NBPF9: variants seen among roughly 807,000 people sequenced by gnomAD.
NBPF9 encodes the protein NBPF member 9, also known as NBPF family member NBPF9.
In NBPF9, 91 loss-of-function variants were observed where a neutral mutation model predicts 97.8. The observed-to-expected ratio is 0.93, with a 90% CI of 0.79 to 1.11. The LOEUF (loss-of-function observed/expected upper bound fraction) is 1.11, where lower values mean the gene tolerates loss of function less well. Ranked by LOEUF, NBPF9 falls within the 50% of genes least tolerant of loss-of-function variation. NBPF9 has a pLI of 0.00. For missense variants in NBPF9, 992 were observed against 939.5 expected (o/e 1.06, Z -0.73); for synonymous variants, 334 against 359.5 (o/e 0.93, Z 0.80).
intron 17 of NBPF9, among the ~76,000 whole-genome samples, chr1:149,067,269 G>C (rs2079088011): frequency 1.7e-5 from 2 of 120,960 alleles, no homozygotes; most frequent in Non-Finnish European, 3.5e-5. Context: ...TTTTCCATAT[G>C]TATAGTTTTC....
chr1:149,081,364 C>T (rs587623239), intron 7 of NBPF9, among the ~76,000 whole-genome samples: 4 of 151,826 alleles, frequency 2.6e-5, no homozygotes, highest in East Asian at 3.9e-4. Flanking sequence ...GTGCTCTGCC[C>T]GCCTCAGCCT....
chr1:149,077,902 G>T, exon 10 of NBPF9: 1 of 1,489,468 alleles, frequency 6.7e-7, no homozygotes, highest in South Asian at 1.1e-5. Flanking sequence ...GATGATTCCA[G>T]TACTTTCTCA....
In NBPF9 at chr1:149,082,394, AG is replaced by A. The variant is rs2080552522; in HGVS notation, c.-159del. 1 of 1,275,344 alleles carries A rather than the reference AG, an allele frequency of 7.8e-7. No homozygotes were observed. Among genetic ancestry groups the A allele is most frequent in the Non-Finnish European group, 1.1e-6 (1 of 927,132 alleles). The allele number at this position is 1,275,344 out of a possible 1,614,324, so 79.0% of individuals were successfully genotyped here. A position where few individuals can be genotyped will look rare whatever the true frequency, so the allele number is the denominator to read the frequency against. ...TGCCAGTAGCTCAGACTCTGATAAG[AG>A]TGAGGTAGATTGTGGCCAGCGTGCC... On this transcript the variant is annotated 5_prime_UTR_variant, in exon 6 of 30. It introduces an in-frame stop codon into an upstream open reading frame of the 5' UTR. Coordinates refer to ENST00000584027, the Ensembl canonical transcript of NBPF9.
At chr1:149,072,727 G>C (rs2079515867) in exon 14 of NBPF9, 1 of 1,611,700 alleles carries the variant, frequency 6.2e-7, no homozygotes, top group Admixed American at 1.7e-5. Context: ...CCTGGGCTGA[G>C]CTTTTGGACA....
exon 20 of NBPF9, chr1:149,063,743 C>T (rs1381815522): frequency 2.0e-5 from 12 of 604,420 alleles, no homozygotes; most frequent in African/African-American, 6.5e-5. Context: ...AGTTGAATAA[C>T]ATCTATCCAG....
chr1:149,079,216 T>C (rs782474452), exon 9 of NBPF9: 28 of 838,484 alleles, frequency 3.3e-5, no homozygotes, highest in Non-Finnish European at 5.4e-5. Context: ...CAGGACTTTA[T>C]ATTGCCTAAG....
chr1:149,055,889 C>A (rs782624686), exon 30 of NBPF9: 8 of 1,611,316 alleles, frequency 5.0e-6, no homozygotes, highest in South Asian at 1.1e-5. Context: ...TCCATCAGCA[C>A]GCCGTTGAGC....
intron 13 of NBPF9, among the ~76,000 whole-genome samples, chr1:149,073,344 G>A (rs587686057): frequency 2.8e-5 from 4 of 140,380 alleles, no homozygotes; most frequent in African/African-American, 5.4e-5. Context: ...TTGAAAAGAC[G>A]AAAGAAGAAA....
Position 149,078,990 on chromosome 1 carries a change from G to A in NBPF9, c.493+17C>T. The A allele has an allele frequency of 5.1e-6, 6 of 1,172,720 alleles. No individual in the cohort carries two copies. In the South Asian group the frequency reaches 7.7e-5, roughly 15 times the overall value. 72.6% of individuals were successfully genotyped at this position (1,172,720 alleles called of 1,614,324 possible). On this transcript the variant is annotated intron_variant, in intron 9 of 29. Coordinates refer to ENST00000584027, the Ensembl canonical transcript of NBPF9. ...AAGCCTGGGGTTTTGGGTCATCAGG[G>A]CCTATGGCCACCTTACCTGGGCTGA...
chr1:149,058,861 A>G, intron 26 of NBPF9, 64 bp downstream of exon 26: 1 of 696,204 alleles, frequency 1.4e-6, no homozygotes, highest in South Asian at 1.5e-5. Context: ...CACTTGGAAC[A>G]GGAATATCAC....
intron 1 of NBPF9, among the ~76,000 whole-genome samples, chr1:149,103,067 C>G (rs1424042524): frequency 3.3e-5 from 5 of 152,004 alleles, no homozygotes; most frequent in African/African-American, 1.2e-4. Flanking sequence ...CACCCGCCAG[C>G]GAGTTTCTTC....
Position 149,073,748 on chromosome 1 carries a change from C to T in NBPF9, c.1091+20G>A. ...ATTTACACACCTGCCCCCCTGCCTGCCCCCATGGGGTCCCCTCACCTGAGC... is the reference window on the plus strand; with the variant it reads ...ATTTACACACCTGCCCCCCTGCCTGTCCCCATGGGGTCCCCTCACCTGAGC... On this transcript the variant is annotated intron_variant, in intron 13 of 29. Coordinates refer to ENST00000584027, the Ensembl canonical transcript of NBPF9. 1.9e-6 allele frequency: 3 copies of T among 1,576,582 alleles called. No individual in the cohort carries two copies. The highest frequency in any genetic ancestry group is 1.1e-5 in the South Asian group (1 of 89,870).
chr1:149,093,409 C>T (rs1415784184), intron 4 of NBPF9, among the ~76,000 whole-genome samples: 1 of 151,950 alleles, frequency 6.6e-6, no homozygotes, highest in Non-Finnish European at 1.5e-5. Context: ...TTTTACTAAT[C>T]CTCCTCAGCA....
intron 5 of NBPF9, among the ~76,000 whole-genome samples, chr1:149,084,466 C>A (rs587725013): frequency 6.8e-6 from 1 of 146,772 alleles, no homozygotes; most frequent in Non-Finnish European, 1.5e-5. Context: ...AGTGGCGGAG[C>A]GAGGGCTACT....
At chr1:149,070,749 T>C (rs2079339576) in intron 16 of NBPF9, among the ~76,000 whole-genome samples, 185 bp downstream of exon 16, 2 of 152,036 alleles carry the variant, frequency 1.3e-5, no homozygotes. Context: ...TTGAGTAACT[T>C]GATACTGGGG....
chr1:149,080,712 C>A (rs1444877522), intron 7 of NBPF9, among the ~76,000 whole-genome samples: 1 of 136,958 alleles, frequency 7.3e-6, no homozygotes, highest in Non-Finnish European at 1.6e-5. Flanking sequence ...GGAAATATGC[C>A]CAAATACTTT....
chr1:149,062,840 A>T (rs1553650465), intron 21 of NBPF9, 22 bp downstream of exon 21: 2 of 665,388 alleles, frequency 3.0e-6, no homozygotes, highest in Admixed American at 2.6e-5. Flanking sequence ...AGAATTAAGC[A>T]TCCATAATTG....
intron 12 of NBPF9, among the ~76,000 whole-genome samples, chr1:149,074,962 C>A (rs2079731147): frequency 6.6e-6 from 1 of 151,132 alleles, no homozygotes; most frequent in Admixed American, 6.6e-5. Flanking sequence ...CAGTCACCTG[C>A]CACCACGCCC....
intron 5 of NBPF9, chr1:149,090,499 C>T: frequency 2.8e-6 from 1 of 355,134 alleles, no homozygotes; most frequent in Non-Finnish European, 5.2e-6. Flanking sequence ...AAAAAGGAAA[C>T]AAGGCAATAT....
Sources: gnomAD v4.1 joint callset for allele counts (sites outside exome capture counted in the v4.1 genomes callset) on GRCh38, gnomAD v4.1.1 for gene constraint, MANE v1.5 for transcripts, NCBI Gene and HGNC (gene_info 2026-07-23, HGNC 2026-07-21) for gene names.